DSCAML1: variants seen among roughly 807,000 people sequenced by gnomAD.
DSCAML1 encodes the protein DS cell adhesion molecule like 1, also known as cell adhesion molecule DSCAML1.
A neutral mutation model predicts 200.5 loss-of-function variants in DSCAML1; 38 were observed. The observed-to-expected ratio is 0.19, with a 90% CI of 0.15 to 0.25. The LOEUF (loss-of-function observed/expected upper bound fraction) is 0.25. Ranked by LOEUF, DSCAML1 falls within the 10% of genes least tolerant of loss-of-function variation. DSCAML1 has a pLI of 1.00. For missense variants in DSCAML1, 2,223 were observed against 2,858.8 expected (o/e 0.78, Z 5.07); for synonymous variants, 1,215 against 1,165.0 (o/e 1.04, Z -0.87).
At chr11:117,621,297 A>G (rs1185598698) in intron 3 of DSCAML1, among the ~76,000 whole-genome samples, 1 of 152,262 alleles carries the variant, frequency 6.6e-6, no homozygotes, top group Non-Finnish European at 1.5e-5. Flanking sequence ...TTGAGACCAT[A>G]CAGAAAGCTC....
intron 8 of DSCAML1, among the ~76,000 whole-genome samples, chr11:117,506,115 T>G (rs1340140506): frequency 6.6e-6 from 1 of 152,182 alleles, no homozygotes; most frequent in Non-Finnish European, 1.5e-5. Context: ...TCTGGGGGCC[T>G]GGGATAGAGG....
In DSCAML1 at chr11:117,438,012, A is replaced by C; in HGVS notation, c.4315T>G (p.Ser1439Ala). The part of the protein sequence containing the change: ...KDVFISSSER[S>A]FKLDSLKCGT... Reference sequence around the variant, plus strand: ...CACTTGAGGCTGTCCAGCTTGAAGGAGCGCTCGCTGGAGCTGATGAACACA... The same window carrying C: ...CACTTGAGGCTGTCCAGCTTGAAGGCGCGCTCGCTGGAGCTGATGAACACA... The change falls in exon 25 of 33, where the codon TCC (serine) becomes GCC (alanine). Residue 1439 changes from serine (S) to alanine (A), a missense_variant. Transcript: ENST00000651296. The C allele has an allele frequency of 1.2e-6, 2 of 1,614,116 alleles. No individual in the cohort carries two copies. Among genetic ancestry groups the C allele is most frequent in the South Asian group, 2.2e-5 (2 of 91,072 alleles).
At chr11:117,809,733 G>A (rs769338735) in intron 1 of DSCAML1, among the ~76,000 whole-genome samples, 12 of 151,994 alleles carry the variant, frequency 7.9e-5, no homozygotes, top group Non-Finnish European at 1.6e-4. Context: ...CTGAATCGCC[G>A]CGCAGCGCTC....
chr11:117,429,001 G>A (rs1334168869), intron 32 of DSCAML1, among the ~76,000 whole-genome samples, 198 bp from the exon 33 acceptor site: 2 of 152,174 alleles, frequency 1.3e-5, no homozygotes, highest in African/African-American at 4.8e-5. Context: ...CTGTGAAGTG[G>A]GGATGATCTT....
chr11:117,463,325 A>G lies in DSCAML1; in HGVS notation c.3265+1617T>C, dbSNP rs508488. On this transcript the variant is annotated intron_variant, in intron 17 of 32. Transcript: ENST00000651296. This position sits in a 1 kb window ranked among gnomAD's most constrained non-coding sequence, Gnocchi z 4.0. ...TGATTCCCAAAGGTGCTCCCTGGAC[A>G]AGCAGCATTACCTGGGAACTTATTA... is the stretch of plus-strand genomic sequence containing the variant. Among the ~76,000 whole-genome samples the G allele has an allele frequency of 6.6e-6, 1 of 151,596 alleles. No homozygotes were observed.
rs768337692 is a variant in DSCAML1, at chr11:117,439,428, C to T, written c.3982G>A (p.Glu1328Lys). 1 of 1,612,096 alleles carries T rather than the reference C, an allele frequency of 6.2e-7. No homozygotes were observed. Among genetic ancestry groups the T allele is most frequent in the Non-Finnish European group, 8.5e-7 (1 of 1,179,480 alleles). The change falls in exon 23 of 33, where the codon GAA (glutamate) becomes AAA (lysine). Residue 1328 changes from glutamate to lysine, a missense_variant and splice_region_variant. Physicochemically the swap from Glu to Lys is moderately conservative, Grantham distance 56 (BLOSUM62 1). Transcript: ENST00000651296. ...ATGGACACTGGAATGGCCGAGTCTT[C>T]ACTGCCAGGGGCGAGGATGGGGCGG... ...APAVKWTKDS[E>K]DSAIPVSMDG...
At chr11:117,449,150 G>C (rs188097233) in intron 20 of DSCAML1, among the ~76,000 whole-genome samples, 1 of 152,164 alleles carries the variant, frequency 6.6e-6, no homozygotes, top group Non-Finnish European at 1.5e-5. Context: ...AGTACAAAAA[G>C]AAGCAGCACT....
chr11:117,617,574 A>C (rs2051834037), intron 3 of DSCAML1, among the ~76,000 whole-genome samples: 1 of 152,154 alleles, frequency 6.6e-6, no homozygotes. Flanking sequence ...ATTACGCCAA[A>C]GACACTTTGA....
chr11:117,433,358 G>A, intron 28 of DSCAML1, 83 bp downstream of exon 28: 1 of 1,583,254 alleles, frequency 6.3e-7, no homozygotes, highest in South Asian at 1.2e-5. Context: ...CTCCTATTCT[G>A]GGAGTTCAGA....
Position 117,480,540 on chromosome 11 carries a change from C to T in DSCAML1, c.2688G>A (p.Arg896=). 1.9e-6 allele frequency: 3 copies of T among 1,580,112 alleles called. No homozygotes were observed. Among genetic ancestry groups the T allele is most frequent in the South Asian group, 1.2e-5 (1 of 86,490 alleles). Residue 896 remains arginine, a synonymous_variant, in exon 14 of 33, where the codon CGG becomes CGA. Transcript: ENST00000651296. This position sits in a 1 kb window ranked among gnomAD's most constrained non-coding sequence, Gnocchi z 4.1. ...EPPDPPELEI[R]EVKARSMNLR... is the part of the protein sequence containing the mutation. ...GGTTCATGCTCCGGGCCTTCACCTC[C>T]CGGATCTCCAGCTCTGGGGGGTCGG...
At chr11:117,805,069 G>A (rs1293815013) in intron 1 of DSCAML1, among the ~76,000 whole-genome samples, 2 of 152,182 alleles carry the variant, frequency 1.3e-5, no homozygotes, top group Non-Finnish European at 2.9e-5. Flanking sequence ...TGGATTTCCT[G>A]GGCTGACATG....
At chr11:117,595,176 A>C (rs536280211) in intron 3 of DSCAML1, among the ~76,000 whole-genome samples, 2 of 152,288 alleles carry the variant, frequency 1.3e-5, no homozygotes, top group Admixed American at 1.3e-4. Flanking sequence ...GGCTTTCTTC[A>C]TAGCAGAGGG....
At chr11:117,438,111 G>GGGGCA (rs748916006) in intron 24 of DSCAML1, 28 bp from the exon 25 acceptor site, 2 of 1,581,952 alleles carry the variant, frequency 1.3e-6, no homozygotes, top group Non-Finnish European at 1.7e-6. Flanking sequence ...GATTCAGGTG[G>GGGGCA]GGGCAGGGCA....
At chr11:117,429,661 G>A (rs1367004665) in intron 32 of DSCAML1, among the ~76,000 whole-genome samples, 1 of 152,134 alleles carries the variant, frequency 6.6e-6, no homozygotes, top group African/African-American at 2.4e-5. Context: ...GGCATGAGCC[G>A]CCGCACCCAA....
At chr11:117,696,532 G>A (rs1363685100) in intron 3 of DSCAML1, among the ~76,000 whole-genome samples, 1 of 152,222 alleles carries the variant, frequency 6.6e-6, no homozygotes, top group African/African-American at 2.4e-5. Flanking sequence ...ATTGGTTAAT[G>A]TGAAACCATC....
intron 1 of DSCAML1, among the ~76,000 whole-genome samples, chr11:117,806,794 A>G (rs1452832505): frequency 6.6e-6 from 1 of 152,218 alleles, no homozygotes; most frequent in East Asian, 1.9e-4. Context: ...AAGTTTGAAC[A>G]TGGAAAATTT....
At chr11:117,477,349 AGTGTGTGTGTGTGTGTGTGTGTGT>A (rs5795087) in intron 14 of DSCAML1, among the ~76,000 whole-genome samples, 2 of 140,098 alleles carry the variant, frequency 1.4e-5, no homozygotes, top group South Asian at 2.5e-4. Flanking sequence ...TGGTTCTGAA[AGTGTGTGTGTGTGTGTGTGTGTGT>A]GTGTGTGTGT....
At chr11:117,697,752 T>C (rs1375594619) in intron 3 of DSCAML1, among the ~76,000 whole-genome samples, 1 of 151,960 alleles carries the variant, frequency 6.6e-6, no homozygotes, top group East Asian at 1.9e-4. Flanking sequence ...TTATCCATGT[T>C]GTAGGATGTG....
intron 1 of DSCAML1, among the ~76,000 whole-genome samples, chr11:117,785,258 G>A (rs544280033): frequency 6.6e-6 from 1 of 152,312 alleles, no homozygotes; most frequent in East Asian, 1.9e-4. Context: ...ATGTGACCCG[G>A]GGGCTGAAAG....
Sources: allele counts gnomAD v4.1 joint callset (sites outside exome capture counted in the v4.1 genomes callset), GRCh38; gene constraint gnomAD v4.1.1; non-coding constraint Gnocchi (gnomAD v3.1); transcripts MANE v1.5; gene names NCBI Gene and HGNC (gene_info 2026-07-23, HGNC 2026-07-21).